ROBO2: variants seen among roughly 807,000 people sequenced by gnomAD.
ROBO2 encodes the protein roundabout homolog 2.
ROBO2 carries 53 observed loss-of-function variants against 160.8 expected under a neutral mutation model. That is an observed-to-expected ratio of 0.33 (90% confidence interval 0.26 to 0.41). The LOEUF is 0.41. Among genes scored for constraint, ROBO2 ranks in the 10% least tolerant of loss-of-function variants. The pLI, the probability that ROBO2 is intolerant of heterozygous loss-of-function variation, is 1.00. For synonymous variants in ROBO2, 664 were observed against 611.7 expected (o/e 1.09, Z -1.26); for missense variants, 1,577 against 1,722.4 (o/e 0.92, Z 1.49).
intron 4 of ROBO2, among the ~76,000 whole-genome samples, chr3:77,489,627 T>A (rs548113194): frequency 6.6e-6 from 1 of 152,342 alleles, no homozygotes; most frequent in East Asian, 1.9e-4. Context: ...GTTTGCCATT[T>A]GGATTAATTA....
intron 2 of ROBO2, among the ~76,000 whole-genome samples, chr3:76,607,433 C>T (rs2087749823): frequency 1.3e-5 from 2 of 152,144 alleles, no homozygotes; most frequent in African/African-American, 4.8e-5. Context: ...GTGGCAAATA[C>T]CTTGTCTTAC....
chr3:76,716,382 T>A (rs1197298091), intron 2 of ROBO2, among the ~76,000 whole-genome samples: 1 of 152,202 alleles, frequency 6.6e-6, no homozygotes, highest in Non-Finnish European at 1.5e-5. Flanking sequence ...CTCACCCATC[T>A]TTTCCTTATC....
chr3:76,414,908 G>A (rs1294347182), intron 2 of ROBO2, among the ~76,000 whole-genome samples: 1 of 152,136 alleles, frequency 6.6e-6, no homozygotes, highest in African/African-American at 2.4e-5. Flanking sequence ...TTTGTGAAAG[G>A]AGATGGGTGA....
chr3:77,496,303 G>A (rs2086770788), intron 5 of ROBO2, among the ~76,000 whole-genome samples: 1 of 152,160 alleles, frequency 6.6e-6, no homozygotes, highest in African/African-American at 2.4e-5. Flanking sequence ...ACTGAGGTCA[G>A]TATTTCATCA....
intron 2 of ROBO2, among the ~76,000 whole-genome samples, chr3:77,445,524 C>T (rs545180289): frequency 5.9e-5 from 9 of 151,858 alleles, no homozygotes; most frequent in Admixed American, 2.0e-4. Context: ...TAGTGACTTT[C>T]GACCAAACTT....
At chr3:76,736,359 G>A (rs988516916) in intron 2 of ROBO2, among the ~76,000 whole-genome samples, 3 of 148,142 alleles carry the variant, frequency 2.0e-5, no homozygotes, top group Non-Finnish European at 4.5e-5. Context: ...TGAATATTAA[G>A]TGGATACAAT....
At chr3:77,546,305 T>C in intron 6 of ROBO2, 33 bp from the exon 8 acceptor site, 3 of 1,611,136 alleles carry the variant, frequency 1.9e-6, no homozygotes, top group East Asian at 2.2e-5. Context: ...CTATGGTTGA[T>C]ATTTACACGC....
rs746648574 is a variant in ROBO2, at chr3:75,992,389, G to A, written c.109+54787G>A. Among the ~76,000 whole-genome samples the A allele has an allele frequency of 5.9e-5, 9 of 152,248 alleles. No homozygotes were observed. In the Middle Eastern group the frequency reaches 0.014, roughly 230 times the overall value. ...AGGCCAAGCTCAGCCCATTGCTCCCGAGGGTGGAGCCCCCAAGCCTTGGCA... is the reference window on the plus strand; with the variant it reads ...AGGCCAAGCTCAGCCCATTGCTCCCAAGGGTGGAGCCCCCAAGCCTTGGCA... On this transcript the variant is annotated intron_variant, in intron 2 of 26. Coordinates refer to the ROBO2 transcript ENST00000487694.
chr3:75,944,168 T>C (rs1948178363), intron 2 of ROBO2, among the ~76,000 whole-genome samples: 1 of 152,160 alleles, frequency 6.6e-6, no homozygotes, highest in Admixed American at 6.6e-5. Flanking sequence ...TATCTCACTT[T>C]ATCCTGTGAT....
At chr3:76,303,463 C>G (rs944248173) in intron 2 of ROBO2, among the ~76,000 whole-genome samples, 1 of 152,060 alleles carries the variant, frequency 6.6e-6, no homozygotes, top group Non-Finnish European at 1.5e-5. Context: ...CAGTGCATTT[C>G]AGAGGTACAC....
intron 2 of ROBO2, among the ~76,000 whole-genome samples, chr3:76,185,215 T>TATAGATATATATATATATATATATAC: frequency 2.2e-5 from 2 of 90,312 alleles, no homozygotes; most frequent in Admixed American, 1.3e-4. Context: ...TATATATATA[T>TATAGATATATATATATATATATATAC]ACACACACAA....
At chr3:76,150,369 TC>T (rs1263446092) in intron 2 of ROBO2, among the ~76,000 whole-genome samples, 229 of 151,188 alleles carry the variant, frequency 1.5e-3, no homozygotes, top group Middle Eastern at 3.4e-3. Context: ...AAAACACACA[TC>T]TGTCTAAAGC....
intron 2 of ROBO2, among the ~76,000 whole-genome samples, chr3:76,988,968 A>T (rs534776681): frequency 6.6e-6 from 1 of 152,150 alleles, no homozygotes; most frequent in Admixed American, 6.6e-5. Context: ...ATATAATAAA[A>T]TATGCTATAA....
chr3:76,515,406 C>G (rs1000813562), intron 2 of ROBO2, among the ~76,000 whole-genome samples: 3 of 151,656 alleles, frequency 2.0e-5, no homozygotes, highest in African/African-American at 7.3e-5. Flanking sequence ...TTTTCCCCAA[C>G]TATCACAAAA....
At chr3:76,647,285 C>T (rs1332839191) in intron 2 of ROBO2, among the ~76,000 whole-genome samples, 1 of 152,150 alleles carries the variant, frequency 6.6e-6, no homozygotes, top group East Asian at 1.9e-4. Context: ...AAGAAATTTC[C>T]GTGGTTCAAA....
intron 2 of ROBO2, among the ~76,000 whole-genome samples, chr3:76,974,443 G>T (rs149757226): frequency 1.3e-4 from 20 of 152,218 alleles, no homozygotes; most frequent in African/African-American, 4.8e-4. Context: ...CACAAAATAT[G>T]CATTATTTTT....
chr3:77,479,228 T>C (rs1283791604), intron 3 of ROBO2, among the ~76,000 whole-genome samples: 2 of 152,202 alleles, frequency 1.3e-5, no homozygotes, highest in Non-Finnish European at 2.9e-5. Flanking sequence ...TCTTATTATG[T>C]AGATAAAGTC....
chr3:77,378,697 G>A (rs974975649), intron 2 of ROBO2, among the ~76,000 whole-genome samples: 1 of 152,138 alleles, frequency 6.6e-6, no homozygotes, highest in African/African-American at 2.4e-5. Flanking sequence ...AATAGGCTAT[G>A]TGATTTTGAA....
intron 2 of ROBO2, among the ~76,000 whole-genome samples, chr3:76,645,749 G>C (rs747757757): frequency 6.6e-6 from 1 of 152,132 alleles, no homozygotes; most frequent in Non-Finnish European, 1.5e-5. Flanking sequence ...GAGAAAATTT[G>C]ACTTTATAGA....
Sources: allele counts gnomAD v4.1 joint callset (sites outside exome capture counted in the v4.1 genomes callset), GRCh38; gene constraint gnomAD v4.1.1; transcripts MANE v1.5; gene names NCBI Gene and HGNC (gene_info 2026-07-23, HGNC 2026-07-21).